BNC2: variants seen among roughly 807,000 people sequenced by gnomAD.
BNC2 encodes the protein zinc finger protein basonuclin-2.
BNC2 carries 20 observed loss-of-function variants against 76.3 expected under a neutral mutation model. That is an observed-to-expected ratio of 0.26 (90% confidence interval 0.18 to 0.38). BNC2 has a LOEUF of 0.38. Ranked by LOEUF, BNC2 falls within the 10% of genes least tolerant of loss-of-function variation. BNC2 has a pLI of 1.00. For synonymous variants in BNC2, 582 were observed against 514.8 expected, an observed-to-expected ratio of 1.13 and a Z score of -1.77; for missense variants, 1,382 against 1,399.8, an observed-to-expected ratio of 0.99 and a Z score of 0.20.
chr9:16,471,714 G>A (rs1563799455), intron 5 of BNC2, among the ~76,000 whole-genome samples: 1 of 152,188 alleles, frequency 6.6e-6, no homozygotes, highest in African/African-American at 2.4e-5. Context: ...GGACTGCTGG[G>A]AAGGCATGAC....
chr9:16,788,890 G>A (rs1817422681), intron 1 of BNC2, among the ~76,000 whole-genome samples: 1 of 150,084 alleles, frequency 6.7e-6, no homozygotes, highest in Non-Finnish European at 1.5e-5. Flanking sequence ...CCCCACCTTA[G>A]TTGAAACGAA....
intron 3 of BNC2, among the ~76,000 whole-genome samples, chr9:16,696,258 T>C (rs1432520566): frequency 6.6e-6 from 1 of 152,176 alleles, no homozygotes; most frequent in Non-Finnish European, 1.5e-5. Context: ...CCAGGCCCTC[T>C]ACAATCTAGC....
At position 16,416,767 on chromosome 9, in the gene BNC2, G is replaced by C. The variant is rs981127881; in HGVS notation, c.*2222C>G. The C allele has an allele frequency of 2.0e-4, 31 of 152,720 alleles. No individual in the cohort carries two copies. Among genetic ancestry groups the C allele is most frequent in the African/African-American group, 7.0e-4 (29 of 41,580 alleles). 9.5% of individuals were successfully genotyped at this position (152,720 alleles called of 1,614,324 possible). ...CTAGACATAGCTAGCTTATCTTTAA[G>C]AATCTATTGTTTCTGAAATTTTCAC... On this transcript the variant is annotated 3_prime_UTR_variant, in exon 7 of 7. Transcript: ENST00000380672.
At position 16,566,418 on chromosome 9, in the gene BNC2, C is replaced by T. The variant is rs560532789; in HGVS notation, c.434-13653G>A. ...TCAACCCTTCTTTTGTTCTAGACAG[C>T]ACCCCCTCACAGAATAAGTGAAGGT... On this transcript the variant is annotated intron_variant, in intron 4 of 6. Transcript: ENST00000380672. Among the ~76,000 whole-genome samples, 10 of 152,284 alleles carry T rather than the reference C, an allele frequency of 6.6e-5. No homozygotes were observed. The East Asian group carries it at 1.9e-3, about 29-fold the overall frequency.
At chr9:16,553,506 A>C (rs1818728281) in intron 4 of BNC2, among the ~76,000 whole-genome samples, 1 of 152,236 alleles carries the variant, frequency 6.6e-6, no homozygotes. Flanking sequence ...AAAAGAAAGA[A>C]ATAACAAGTC....
At chr9:16,613,218 G>T (rs1485483364) in intron 3 of BNC2, among the ~76,000 whole-genome samples, 1 of 152,162 alleles carries the variant, frequency 6.6e-6, no homozygotes, top group Non-Finnish European at 1.5e-5. Flanking sequence ...GAGCCTGTAT[G>T]CCTATTGTGC....
In BNC2 at chr9:16,460,523, G is replaced by A. The variant is rs1450103249; in HGVS notation, c.670-22999C>T. Among the ~76,000 whole-genome samples, 3 of 152,050 alleles carry A rather than the reference G, an allele frequency of 2.0e-5. No individual in the cohort carries two copies. The East Asian group carries it at 5.8e-4, about 29-fold the overall frequency. On this transcript the variant is annotated intron_variant, in intron 5 of 6. Transcript: ENST00000380672. ...CTGTAATCCCAGTTACTCAGGGGGT[G>A]GAGACACAAGAATCACTTGTACTCG... is the stretch of plus-strand genomic sequence containing the variant.
chr9:16,864,183 A>G (rs535629485), intron 1 of BNC2, among the ~76,000 whole-genome samples: 107 of 152,340 alleles, frequency 7.0e-4, no homozygotes, highest in African/African-American at 2.4e-3. Context: ...GCTAGAGGAA[A>G]ATCAAAGGAG....
chr9:16,571,698 T>C (rs1395266014), intron 4 of BNC2, among the ~76,000 whole-genome samples: 3 of 152,146 alleles, frequency 2.0e-5, no homozygotes, highest in Admixed American at 1.3e-4. Flanking sequence ...ATTAATGTAA[T>C]TGTCTGCCTC....
Position 16,571,949 on chromosome 9 carries a change from G to C in BNC2, c.433+11034C>G, listed in dbSNP as rs143116118. ...AAGGGGCCTTGTGATGGTCGCTTTT[G>C]GCATGTCAGAAAAAACACCTCCCTA... On this transcript the variant is annotated intron_variant, in intron 4 of 6. Coordinates refer to ENST00000380672, the MANE Select transcript of BNC2 (RefSeq NM_017637.6). Among the ~76,000 whole-genome samples the C allele has an allele frequency of 9.0e-4, 137 of 152,018 alleles. 1 individual carries two copies. The highest frequency in any genetic ancestry group is 3.1e-3 in the African/African-American group (130 of 41,480).
chr9:16,487,088 A>G (rs1209251180), intron 5 of BNC2, among the ~76,000 whole-genome samples: 1 of 152,238 alleles, frequency 6.6e-6, no homozygotes, highest in Non-Finnish European at 1.5e-5. Context: ...CCCCTTTTAC[A>G]GATGAGAAAA....
chr9:16,435,466 A>T, intron 6 of BNC2, 89 bp downstream of exon 6: 1 of 1,470,518 alleles, frequency 6.8e-7, no homozygotes, highest in Non-Finnish European at 9.5e-7. Context: ...AAAACATCTA[A>T]GTTGGATTTC....
At chr9:16,586,570 A>G (rs1452967885) in intron 3 of BNC2, among the ~76,000 whole-genome samples, 1 of 151,078 alleles carries the variant, frequency 6.6e-6, no homozygotes, top group African/African-American at 2.4e-5. Flanking sequence ...GAGACTGACT[A>G]TCCTAGTTTT....
chr9:16,824,472 C>T (rs575992568), intron 1 of BNC2, among the ~76,000 whole-genome samples: 1 of 152,272 alleles, frequency 6.6e-6, no homozygotes, highest in Non-Finnish European at 1.5e-5. Flanking sequence ...GGGAAAGGCA[C>T]TTGCCTGTCC....
chr9:16,736,884 G>A (rs1266241101), intron 2 of BNC2, among the ~76,000 whole-genome samples: 5 of 151,794 alleles, frequency 3.3e-5, no homozygotes, highest in South Asian at 2.1e-4. Flanking sequence ...TCGGCTCACC[G>A]CAATCTCCGC....
chr9:16,656,453 G>C (rs979991120), intron 3 of BNC2, among the ~76,000 whole-genome samples: 1 of 152,134 alleles, frequency 6.6e-6, no homozygotes, highest in African/African-American at 2.4e-5. Context: ...CAAGAATGTT[G>C]AAAGTGGAGT....
chr9:16,784,457 G>C (rs1346817214), intron 1 of BNC2, among the ~76,000 whole-genome samples: 1 of 152,134 alleles, frequency 6.6e-6, no homozygotes, highest in Non-Finnish European at 1.5e-5. Flanking sequence ...TTAAGAAAAA[G>C]ACTGCAAAAT....
chr9:16,762,574 C>T (rs555846274), intron 1 of BNC2, among the ~76,000 whole-genome samples: 1 of 152,140 alleles, frequency 6.6e-6, no homozygotes. Context: ...GGAAATAACA[C>T]GAAGTAGACT....
intron 3 of BNC2, among the ~76,000 whole-genome samples, chr9:16,589,066 A>T (rs1354046532): frequency 6.6e-6 from 1 of 152,216 alleles, no homozygotes; most frequent in Non-Finnish European, 1.5e-5. Context: ...GAAAAAACTG[A>T]TTCCGGTTCT....
Sources: gnomAD v4.1 joint callset for allele counts (sites outside exome capture counted in the v4.1 genomes callset) on GRCh38, gnomAD v4.1.1 for gene constraint, MANE v1.5 for transcripts, NCBI Gene and HGNC (gene_info 2026-07-23, HGNC 2026-07-21) for gene names.